The following PTPRD variants were observed in gnomAD, a reference collection of about 807,000 sequenced individuals.
PTPRD encodes protein tyrosine phosphatase receptor type D, also known as receptor-type tyrosine-protein phosphatase delta.
Under a neutral mutation model 214.5 loss-of-function variants are expected in PTPRD, and 34 were observed. The ratio of observed to expected loss-of-function variants is 0.16; its 90% CI spans 0.12 to 0.21. PTPRD has a LOEUF of 0.21. Ranked by LOEUF, PTPRD falls within the 10% of genes least tolerant of loss-of-function variation. The pLI, the probability that PTPRD is intolerant of heterozygous loss-of-function variation, is 1.00. For synonymous variants in PTPRD, 1,128 were observed against 845.7 expected (o/e 1.33, Z -5.79); for missense variants, 2,545 against 2,398.7 (o/e 1.06, Z -1.27).
chr9:9,691,376 A>G (rs903449816), intron 7 of PTPRD, among the ~76,000 whole-genome samples: 4 of 152,026 alleles, frequency 2.6e-5, no homozygotes, highest in African/African-American at 7.2e-5. Context: ...AATAAATGAG[A>G]ACATGCAATG....
intron 3 of PTPRD, among the ~76,000 whole-genome samples, chr9:10,184,714 G>A (rs2099320785): frequency 6.6e-6 from 1 of 152,014 alleles, no homozygotes; most frequent in African/African-American, 2.4e-5. Flanking sequence ...TCTTCTTCTG[G>A]TTTATAAAAT....
chr9:10,509,750 G>A (rs1016566922), intron 2 of PTPRD, among the ~76,000 whole-genome samples: 7 of 150,954 alleles, frequency 4.6e-5, no homozygotes, highest in Admixed American at 4.0e-4. Flanking sequence ...ACCAAGATCT[G>A]GATGCTACTA....
intron 14 of PTPRD, among the ~76,000 whole-genome samples, chr9:8,530,466 T>C (rs1034604461): frequency 1.3e-5 from 2 of 152,092 alleles, no homozygotes; most frequent in Admixed American, 6.6e-5. Context: ...ACATATTTCA[T>C]TCTTTCCTCC....
chr9:9,842,287 T>C (rs1024019889), intron 5 of PTPRD, among the ~76,000 whole-genome samples: 4 of 143,586 alleles, frequency 2.8e-5, no homozygotes, highest in Admixed American at 7.2e-5. Flanking sequence ...CAAAGTCTAC[T>C]GAAGGAGAGC....
intron 35 of PTPRD, among the ~76,000 whole-genome samples, chr9:8,406,875 T>G (rs902288500): frequency 1.3e-5 from 2 of 152,186 alleles, no homozygotes; most frequent in African/African-American, 4.8e-5. Context: ...TACATAAGCT[T>G]CTTACACATC....
intron 6 of PTPRD, among the ~76,000 whole-genome samples, chr9:9,746,088 A>G (rs1454649825): frequency 2.0e-5 from 3 of 152,160 alleles, no homozygotes; most frequent in Admixed American, 1.3e-4. Context: ...AAAATCTGCA[A>G]TGCTTAAAAA....
chr9:10,252,419 A>G (rs2092864447), intron 3 of PTPRD, among the ~76,000 whole-genome samples: 1 of 152,188 alleles, frequency 6.6e-6, no homozygotes, highest in African/African-American at 2.4e-5. Flanking sequence ...ATAGGCTTCC[A>G]GCCAGCTGCC....
intron 8 of PTPRD, among the ~76,000 whole-genome samples, chr9:9,553,569 T>C (rs191203307): frequency 1.3e-5 from 2 of 152,124 alleles, no homozygotes; most frequent in East Asian, 3.9e-4. Context: ...TTCTACAGTG[T>C]TTTGGTGTTT....
chr9:9,149,264 T>C (rs1035482417), intron 10 of PTPRD, among the ~76,000 whole-genome samples: 1 of 152,214 alleles, frequency 6.6e-6, no homozygotes, highest in African/African-American at 2.4e-5. Context: ...ATAAGGCTTG[T>C]AGCCCTAAAA....
At chr9:8,839,094 G>C (rs1018727866) in intron 11 of PTPRD, among the ~76,000 whole-genome samples, 1 of 151,858 alleles carries the variant, frequency 6.6e-6, no homozygotes, top group Non-Finnish European at 1.5e-5. Flanking sequence ...AATATATAAA[G>C]AACATGAACT....
chr9:10,282,540 T>A (rs2095171715), intron 3 of PTPRD, among the ~76,000 whole-genome samples: 1 of 152,152 alleles, frequency 6.6e-6, no homozygotes, highest in South Asian at 2.1e-4. Flanking sequence ...ATTTCCAATT[T>A]AAATGATATT....
intron 2 of PTPRD, among the ~76,000 whole-genome samples, chr9:10,469,064 G>T (rs567698379): frequency 1.3e-5 from 2 of 152,196 alleles, no homozygotes; most frequent in Non-Finnish European, 2.9e-5. Flanking sequence ...CCTCTTTAAA[G>T]ATAGGTATAT....
At chr9:10,592,793 A>C (rs1417199195) in intron 2 of PTPRD, among the ~76,000 whole-genome samples, 3 of 151,992 alleles carry the variant, frequency 2.0e-5, no homozygotes, top group African/African-American at 7.2e-5. Flanking sequence ...CAGGAGTCTA[A>C]AAGTAGCCAA....
At chr9:9,068,533 G>A (rs1293681119) in intron 10 of PTPRD, among the ~76,000 whole-genome samples, 1 of 151,978 alleles carries the variant, frequency 6.6e-6, no homozygotes, top group Non-Finnish European at 1.5e-5. Context: ...AACTGCTTTT[G>A]TGTCACTTTT....
intron 10 of PTPRD, among the ~76,000 whole-genome samples, chr9:9,106,121 C>G (rs2099798201): frequency 6.6e-6 from 1 of 152,038 alleles, no homozygotes; most frequent in Non-Finnish European, 1.5e-5. Flanking sequence ...CGTAGGAAAC[C>G]TTACTCATCA....
chr9:8,907,434 T>A (rs1441814559), intron 11 of PTPRD, among the ~76,000 whole-genome samples: 1 of 148,716 alleles, frequency 6.7e-6, no homozygotes, highest in East Asian at 2.0e-4. Flanking sequence ...AGGAGAATGA[T>A]GTGAACCTGG....
intron 5 of PTPRD, among the ~76,000 whole-genome samples, chr9:9,788,500 C>T (rs1305177012): frequency 1.4e-5 from 2 of 141,410 alleles, no homozygotes; most frequent in East Asian, 2.0e-4. Context: ...TGCAGTGAGC[C>T]GAGATCGGGC....
chr9:9,758,506 T>G (rs1230954169), intron 6 of PTPRD, among the ~76,000 whole-genome samples: 1 of 152,098 alleles, frequency 6.6e-6, no homozygotes, highest in Non-Finnish European at 1.5e-5. Flanking sequence ...ACCAAATGAT[T>G]GTGAGAGAGG....
chr9:8,491,737 A>C (rs1347460679), intron 27 of PTPRD, among the ~76,000 whole-genome samples: 1 of 152,052 alleles, frequency 6.6e-6, no homozygotes, highest in Non-Finnish European at 1.5e-5. Context: ...GTTTGAGGCA[A>C]TTCCAGGTGG....
Sources: allele counts gnomAD v4.1 joint callset (sites outside exome capture counted in the v4.1 genomes callset), GRCh38; gene constraint gnomAD v4.1.1; transcripts MANE v1.5; gene names NCBI Gene and HGNC (gene_info 2026-07-23, HGNC 2026-07-21).